The following HSPG2 variants were observed in gnomAD, a reference collection of about 807,000 sequenced individuals.
HSPG2 encodes basement membrane-specific heparan sulfate proteoglycan core protein.
A neutral mutation model predicts 526.6 loss-of-function variants in HSPG2; 278 were observed. The ratio of observed to expected loss-of-function variants is 0.53; its 90% CI spans 0.48 to 0.58. The LOEUF is 0.58. Among genes scored for constraint, HSPG2 ranks in the 20% least tolerant of loss-of-function variants. The pLI is 0.00. For synonymous variants in HSPG2, 2,465 were observed against 2,555.4 expected, an observed-to-expected ratio of 0.96 and a Z score of 1.07; for missense variants, 5,354 against 6,099.5, an observed-to-expected ratio of 0.88 and a Z score of 4.07.
In HSPG2 at chr1:21,872,351, G is replaced by A. The variant is rs1227752704; in HGVS notation, c.4056C>T (p.Asp1352=). The change falls in exon 33 of 97, where the codon GAC becomes GAT. Residue 1352 remains aspartate, a synonymous_variant. Transcript: ENST00000374695. This position sits in a 1 kb window ranked among gnomAD's most constrained non-coding sequence, Gnocchi z 5.5. Reference sequence around the variant, plus strand: ...GGTTCACCAGGGCAAAGCCTTGGAAGTCCCCAGGGGCAAAGTGGGTGGAGA... The same window carrying A: ...GGTTCACCAGGGCAAAGCCTTGGAAATCCCCAGGGGCAAAGTGGGTGGAGA... The part of the protein sequence containing the change: ...HLISTHFAPG[D]FQGFALVNPQ... The A allele has an allele frequency of 6.3e-7, 1 of 1,578,518 alleles. No individual in the cohort carries two copies.
chr1:21,855,338 G>A lies in HSPG2; in HGVS notation c.5963C>T (p.Thr1988Ile). The A allele has an allele frequency of 6.2e-7, 1 of 1,609,260 alleles. No individual in the cohort carries two copies. Among genetic ancestry groups the A allele is most frequent in the Non-Finnish European group, 8.5e-7 (1 of 1,178,558 alleles). The part of the protein sequence containing the change: ...RAAGVPSATI[T>I]WRKEGGSLPP... ...GAGGCTGCCCCCTTCCTTCCTCCAG[G>A]TGATGGTGGCGCTAGGCACGCCTGC... is the stretch of plus-strand genomic sequence containing the variant. Residue 1988 changes from threonine to isoleucine, a missense_variant, in exon 47 of 97, where the codon ACC becomes ATC. Physicochemically the swap from Thr to Ile is moderately conservative, Grantham distance 89. Coordinates refer to ENST00000374695, the MANE Select transcript of HSPG2 (RefSeq NM_005529.7).
chr1:21,919,334 G>A (rs1352008553), intron 1 of HSPG2, among the ~76,000 whole-genome samples: 1 of 151,504 alleles, frequency 6.6e-6, no homozygotes, highest in African/African-American at 2.4e-5. Flanking sequence ...GCTGAGGCAG[G>A]AGAATCGCTT....
At position 21,881,350 on chromosome 1, in the gene HSPG2, G is replaced by A; in HGVS notation, c.1807C>T (p.Leu603=). The change falls in exon 14 of 97, where the codon CTG becomes TTG. Residue 603 remains leucine (L), a synonymous_variant. Transcript: ENST00000374695. ...CCCAGGCCCCTCACCTTGTTGCCCAGGAACTGTTCAGGCAGAGCCCAGAAG... is the reference window on the plus strand; with the variant it reads ...CCCAGGCCCCTCACCTTGTTGCCCAAGAACTGTTCAGGCAGAGCCCAGAAG... The part of the protein sequence containing the change: ...DSFWALPEQF[L]GNKVDSYGGS... The A allele has an allele frequency of 6.2e-7, 1 of 1,613,944 alleles. No individual in the cohort carries two copies. The highest frequency in any genetic ancestry group is 8.5e-7 in the Non-Finnish European group (1 of 1,179,916).
At chr1:21,823,987 G>A in intron 95 of HSPG2, 134 bp downstream of exon 95, 1 of 938,486 alleles carries the variant, frequency 1.1e-6, no homozygotes, top group Non-Finnish European at 1.7e-6. Context: ...CCTGGCTGGT[G>A]GGTTCTCCCC....
At position 21,865,801 on chromosome 1, in the gene HSPG2, G is replaced by C. The variant is rs757896120; in HGVS notation, c.4230C>G (p.Ala1410=). The C allele has an allele frequency of 6.2e-7, 1 of 1,613,532 alleles. No homozygotes were observed. The highest frequency in any genetic ancestry group is 8.5e-7 in the Non-Finnish European group (1 of 1,179,814). The change falls in exon 34 of 97, where the codon GCC becomes GCG. Residue 1410 remains alanine, a synonymous_variant. Transcript: ENST00000374695. This position sits in a 1 kb window ranked among gnomAD's most constrained non-coding sequence, Gnocchi z 5.4. ...GGGTGTATCGCAACTTCCCACCGTA[G>C]GCCGCCACCTGCAAAGAGGCAAGCC... The part of the protein sequence containing the change: ...PETYQGDKVA[A]YGGKLRYTLS...
At chr1:21,850,597 A>G (rs1349590508) in intron 55 of HSPG2, 99 bp from the exon 56 acceptor site, 3 of 1,363,894 alleles carry the variant, frequency 2.2e-6, no homozygotes, top group Non-Finnish European at 2.9e-6. Context: ...CCTGGCCATC[A>G]GCTCTGGATC....
At chr1:21,868,635 C>G (rs1640418213) in intron 33 of HSPG2, among the ~76,000 whole-genome samples, 1 of 152,120 alleles carries the variant, frequency 6.6e-6, no homozygotes, top group Non-Finnish European at 1.5e-5. Context: ...CTAGAGAAAC[C>G]CTCCCAGGCG....
At chr1:21,832,468 T>A (rs754543209) in intron 81 of HSPG2, 27 bp downstream of exon 81, 1 of 1,551,872 alleles carries the variant, frequency 6.4e-7, no homozygotes. Context: ...CCAGTCCCCC[T>A]GTAGGTGGGG....
Position 21,857,374 on chromosome 1 carries a change from T to C in HSPG2, c.5305A>G (p.Lys1769Glu). 1.2e-6 allele frequency: 2 copies of C among 1,613,872 alleles called. No individual in the cohort carries two copies. Among genetic ancestry groups the C allele is most frequent in the South Asian group, 2.2e-5 (2 of 91,080 alleles). ...TCCTCCACAGTCACTGTGATGGGCT[T>C]GCTTGGAGCCTCTGCAGGGACGGGA... ...AELLVTEAPS[K>E]PITVTVEEQR... Residue 1769 changes from lysine to glutamate, a missense_variant, in exon 43 of 97, where the codon AAG becomes GAG. By Grantham distance (56) the Lys-to-Glu change is moderately conservative. Transcript: ENST00000374695.
In HSPG2 at chr1:21,861,765, G is replaced by A; in HGVS notation, c.4947C>T (p.Tyr1649=). 6.2e-7 allele frequency: 1 copy of A among 1,613,922 alleles called. No homozygotes were observed. The highest frequency in any genetic ancestry group is 2.2e-5 in the East Asian group (1 of 44,880). The change falls in exon 39 of 97, where the codon TAC becomes TAT. Residue 1649 remains tyrosine, a synonymous_variant. Coordinates refer to ENST00000374695, the MANE Select transcript of HSPG2 (RefSeq NM_005529.7). ...TACEPGYTGQ[Y]CEQCGPGYVG... ...TCTGTTTACAAACTTACTGCTCACAGTACTGGCCAGTGTAGCCGGGTTCGC... is the reference window on the plus strand; with the variant it reads ...TCTGTTTACAAACTTACTGCTCACAATACTGGCCAGTGTAGCCGGGTTCGC...
chr1:21,843,864 G>C (rs951456109), intron 65 of HSPG2, among the ~76,000 whole-genome samples: 5 of 152,158 alleles, frequency 3.3e-5, no homozygotes, highest in African/African-American at 1.2e-4. Context: ...TTGAACTCCT[G>C]ACCTCAAGTG....
At position 21,846,267 on chromosome 1, in the gene HSPG2, A is replaced by G; in HGVS notation, c.8317-12T>C. 6.2e-7 allele frequency: 1 copy of G among 1,613,014 alleles called. No homozygotes were observed. Among genetic ancestry groups the G allele is most frequent in the African/African-American group, 1.3e-5 (1 of 75,056 alleles). Reference sequence around the variant, plus strand: ...CGTGAGCCGCGGGTCTGAATAGGGGACAGGACAGAGGAACAGAGTCAGGTG... The same window carrying G: ...CGTGAGCCGCGGGTCTGAATAGGGGGCAGGACAGAGGAACAGAGTCAGGTG... On this transcript the variant is annotated splice_polypyrimidine_tract_variant and intron_variant, in intron 63 of 96. Coordinates refer to ENST00000374695, the MANE Select transcript of HSPG2 (RefSeq NM_005529.7).
chr1:21,839,365 C>G lies in HSPG2; in HGVS notation c.9889+6G>C. Reference sequence around the variant, plus strand: ...TGGTGCAGACAAAGAAGGGATGAGGCCTTACTCTCCACGTGCAGGATGATG... The same window carrying G: ...TGGTGCAGACAAAGAAGGGATGAGGGCTTACTCTCCACGTGCAGGATGATG... On this transcript the variant is annotated splice_donor_region_variant and intron_variant, in intron 73 of 96. Transcript: ENST00000374695. The surrounding 1 kb of genome is among the most constrained non-coding windows in gnomAD (Gnocchi z 4.5). 1 of 1,610,874 alleles carries G rather than the reference C, an allele frequency of 6.2e-7. No homozygotes were observed. The highest frequency in any genetic ancestry group is 8.5e-7 in the Non-Finnish European group (1 of 1,179,880).
rs1218575031 is a variant in HSPG2, at chr1:21,841,091, C to T, written c.9513+10G>A. Reference sequence around the variant, plus strand: ...GGGCCTCAGACCCAGAGAGGCAGCCCCGGCTTCACCTGCAGCACCGCGTGG... The same window carrying T: ...GGGCCTCAGACCCAGAGAGGCAGCCTCGGCTTCACCTGCAGCACCGCGTGG... On this transcript the variant is annotated intron_variant, in intron 71 of 96. Coordinates refer to ENST00000374695, the MANE Select transcript of HSPG2 (RefSeq NM_005529.7). 6.3e-7 allele frequency: 1 copy of T among 1,589,072 alleles called. No individual in the cohort carries two copies. Among genetic ancestry groups the T allele is most frequent in the Admixed American group, 1.8e-5 (1 of 55,684 alleles).
At position 21,887,399 on chromosome 1, in the gene HSPG2, T is replaced by C. The variant is rs1641982948; in HGVS notation, c.958+21A>G. The C allele has an allele frequency of 1.9e-6, 3 of 1,613,954 alleles. No individual in the cohort carries two copies. Among genetic ancestry groups the C allele is most frequent in the Non-Finnish European group, 2.5e-6 (3 of 1,179,936 alleles). ...CAGCTTCCTGCTCCCCGCACCCACC[T>C]GCACCCCTGCCGGTGCGCACCACAG... On this transcript the variant is annotated intron_variant, in intron 8 of 96. Transcript: ENST00000374695. This position sits in a 1 kb window ranked among gnomAD's most constrained non-coding sequence, Gnocchi z 5.0.
Position 21,865,924 on chromosome 1 carries a change from A to AC in HSPG2, c.4222-116dup. The AC allele has an allele frequency of 5.5e-6, 4 of 730,770 alleles. No homozygotes were observed. Among genetic ancestry groups the AC allele is most frequent in the Non-Finnish European group, 4.8e-6 (2 of 420,290 alleles). The allele number at this position is 730,770 out of a possible 1,614,324, so 45.3% of individuals were successfully genotyped here. ...TTTTGCACCTGTGCCACACTCCCCC[A>AC]CCCCCCTCCCTGCCCAAACCAAGAG... On this transcript the variant is annotated intron_variant, in intron 33 of 96. Coordinates refer to ENST00000374695, the MANE Select transcript of HSPG2 (RefSeq NM_005529.7). This position sits in a 1 kb window ranked among gnomAD's most constrained non-coding sequence, Gnocchi z 5.4.
intron 13 of HSPG2, among the ~76,000 whole-genome samples, chr1:21,883,923 G>A (rs1332075274): frequency 2.6e-5 from 4 of 152,220 alleles, no homozygotes; most frequent in Non-Finnish European, 5.9e-5. Context: ...ATAGGACCAG[G>A]GAGGCCAAGA....
intron 1 of HSPG2, among the ~76,000 whole-genome samples, chr1:21,925,289 G>A (rs11582467): frequency 0.013 from 1,910 of 152,334 alleles, 31 homozygotes; most frequent in African/African-American, 0.044. Flanking sequence ...ATGGATGGAA[G>A]GATTCTTGAA....
At chr1:21,902,119 G>C (rs189670869) in intron 1 of HSPG2, among the ~76,000 whole-genome samples, 2 of 152,190 alleles carry the variant, frequency 1.3e-5, no homozygotes, top group Non-Finnish European at 2.9e-5. Flanking sequence ...GGAATCTGTC[G>C]GGGCAGCACT....
Sources: gnomAD v4.1 joint callset for allele counts (sites outside exome capture counted in the v4.1 genomes callset) on GRCh38, gnomAD v4.1.1 for gene constraint, Gnocchi (gnomAD v3.1) non-coding constraint, MANE v1.5 for transcripts, NCBI Gene and HGNC (gene_info 2026-07-23, HGNC 2026-07-21) for gene names.